The following DCAF1 variants were observed in gnomAD, a reference collection of about 807,000 sequenced individuals.
DCAF1 encodes the protein DDB1 and CUL4 associated factor 1.
DCAF1 carries 15 observed loss-of-function variants against 128.0 expected under a neutral mutation model. That is an observed-to-expected ratio of 0.12 (90% CI 0.08 to 0.18). The LOEUF is 0.18. DCAF1 is among the 10% of genes least tolerant of loss of function. The pLI, the probability that DCAF1 is intolerant of heterozygous loss-of-function variation, is 1.00. For synonymous variants in DCAF1, 610 were observed against 603.0 expected (o/e 1.01, Z -0.17); for missense variants, 988 against 1,649.5 (o/e 0.60, Z 6.95).
At position 51,412,411 on chromosome 3, in the gene DCAF1, G is replaced by A; in HGVS notation, c.4180C>T (p.Leu1394=). Residue 1394 remains leucine (L), a synonymous_variant, in exon 23 of 25, where the codon CTG becomes TTG. Coordinates refer to ENST00000684031, the MANE Select transcript of DCAF1 (RefSeq NM_001387579.1). ...TCCTCTTCATCCTCATCCTCTGCCAGACGCTGCCTGCCCACTTCATACAGC... is the reference window on the plus strand; with the variant it reads ...TCCTCTTCATCCTCATCCTCTGCCAAACGCTGCCTGCCCACTTCATACAGC... ...CRLYEVGRQR[L]AEDEDEEEDQ... 6.2e-7 allele frequency: 1 copy of A among 1,613,932 alleles called. No individual in the cohort carries two copies. Among genetic ancestry groups the A allele is most frequent in the South Asian group, 1.1e-5 (1 of 91,084 alleles).
At chr3:51,485,446 A>G (rs1359291728) in intron 2 of DCAF1, among the ~76,000 whole-genome samples, 1 of 152,238 alleles carries the variant, frequency 6.6e-6, no homozygotes, top group Non-Finnish European at 1.5e-5. Flanking sequence ...GGAGGACCAA[A>G]TAAGACACCC....
At chr3:51,449,259 G>C (rs1187001605) in intron 6 of DCAF1, among the ~76,000 whole-genome samples, 1 of 152,078 alleles carries the variant, frequency 6.6e-6, no homozygotes, top group Admixed American at 6.6e-5. Flanking sequence ...CCAGGCTGGA[G>C]TGCAATGGCA....
rs1221254836 is a variant in DCAF1 at position 51,496,745 on chromosome 3, T to C, written c.-20A>G. Among the ~76,000 whole-genome samples the C allele has an allele frequency of 6.6e-6, 1 of 152,120 alleles. No individual in the cohort carries two copies. On this transcript the variant is annotated 5_prime_UTR_variant, in exon 2 of 25. Transcript: ENST00000684031. Reference sequence around the variant, plus strand: ...CTCTGCTGACATACCTGTGAAGTCTTGGTTATTTAACTTCTCCAAATCTCA... The same window carrying C: ...CTCTGCTGACATACCTGTGAAGTCTCGGTTATTTAACTTCTCCAAATCTCA...
intron 12 of DCAF1, among the ~76,000 whole-genome samples, chr3:51,428,431 C>A (rs1380430588): frequency 6.9e-6 from 1 of 145,658 alleles, no homozygotes; most frequent in Non-Finnish European, 1.5e-5. Context: ...TTCAAATGAT[C>A]CTCCCACCTC....
intron 6 of DCAF1, among the ~76,000 whole-genome samples, chr3:51,452,878 G>C (rs753687093): frequency 4.6e-5 from 7 of 152,022 alleles, no homozygotes; most frequent in Non-Finnish European, 1.0e-4. Flanking sequence ...AGCCGGGCGT[G>C]GTGGCGGGCA....
Position 51,458,771 on chromosome 3 carries a change from T to C in DCAF1, c.375+4343A>G, listed in dbSNP as rs548099866. Among the ~76,000 whole-genome samples the C allele has an allele frequency of 2.6e-5, 4 of 152,226 alleles. No homozygotes were observed. In the East Asian group the frequency reaches 5.8e-4, roughly 22 times the overall value. On this transcript the variant is annotated intron_variant, in intron 6 of 24. Coordinates refer to ENST00000684031, the MANE Select transcript of DCAF1 (RefSeq NM_001387579.1). ...CAGGATTAAGAAACTCACTCAAAACTGCTCAACTACATGAAAACTGAACAA... is the reference window on the plus strand; with the variant it reads ...CAGGATTAAGAAACTCACTCAAAACCGCTCAACTACATGAAAACTGAACAA...
rs1706530443 is a variant in DCAF1 at position 51,483,608 on chromosome 3, T to TG, written c.110+110_110+111insC. On this transcript the variant is annotated intron_variant, in intron 3 of 24. Transcript: ENST00000684031. ...CAATTTTTGCTTCTTTTTAAACTAG[T>TG]TTGTGTGTGTGTGTGTGTGTGTGTG... The TG allele has an allele frequency of 2.2e-4, 159 of 718,132 alleles. 1 individual carries two copies. The East Asian group carries it at 4.2e-3, about 19-fold the overall frequency. The allele number at this position is 718,132 out of a possible 1,614,324, so 44.5% of individuals were successfully genotyped here.
Position 51,398,645 on chromosome 3 carries a change from A to C in DCAF1, c.*124T>G. On this transcript the variant is annotated 3_prime_UTR_variant, in exon 25 of 25. Transcript: ENST00000684031. ...AGGCTCTCTAAGCCATAATCTTCTGAATGCAGGGCATGCAGCTCCTTAAAA... is the reference window on the plus strand; with the variant it reads ...AGGCTCTCTAAGCCATAATCTTCTGCATGCAGGGCATGCAGCTCCTTAAAA... The C allele has an allele frequency of 1.5e-6, 2 of 1,302,254 alleles. No individual in the cohort carries two copies. Among genetic ancestry groups the C allele is most frequent in the African/African-American group, 1.5e-5 (1 of 68,108 alleles). The allele number at this position is 1,302,254 out of a possible 1,614,324, so 80.7% of individuals were successfully genotyped here. A position where few individuals can be genotyped will look rare whatever the true frequency, so the allele number is the denominator to read the frequency against.
chr3:51,483,647 A>G (rs368037501), intron 3 of DCAF1, 72 bp downstream of exon 3: 556 of 596,870 alleles, frequency 9.3e-4, no homozygotes, highest in Admixed American at 1.7e-3. Flanking sequence ...GTGTGTGTGT[A>G]TGAAGAAATC....
At chr3:51,429,225 A>G (rs942557826) in intron 12 of DCAF1, 36 bp downstream of exon 12, 1 of 732,566 alleles carries the variant, frequency 1.4e-6, no homozygotes, top group Non-Finnish European at 2.5e-6. Context: ...AGAGAGGGCT[A>G]ACAGAACTTT....
At chr3:51,478,626 T>A (rs926338607) in intron 3 of DCAF1, among the ~76,000 whole-genome samples, 1 of 152,176 alleles carries the variant, frequency 6.6e-6, no homozygotes, top group Admixed American at 6.6e-5. Context: ...GTATCTTGTT[T>A]AATAGTTGGT....
intron 10 of DCAF1, among the ~76,000 whole-genome samples, chr3:51,431,657 T>C (rs4611808): frequency 0.11 from 16,267 of 151,976 alleles, 1,059 homozygotes; most frequent in Non-Finnish European, 0.14. Context: ...TTTGTTAATA[T>C]AAAACAAGCA....
At position 51,451,068 on chromosome 3, in the gene DCAF1, TC is replaced by T. The variant is rs1171011229; in HGVS notation, c.376-7166del. ...GCAATGAACAATATAAAAAGGAAAT[TC>T]TTTTTTTTTTTTTTTTTTTTTTTTT... On this transcript the variant is annotated intron_variant, in intron 6 of 24. Transcript: ENST00000684031. 1.0e-4 allele frequency among the ~76,000 whole-genome samples: 13 copies of T among 126,288 alleles called. 1 individual carries two copies. The South Asian group carries it at 3.1e-3, about 30-fold the overall frequency. 82.8% of individuals were successfully genotyped at this position (126,288 alleles called of 152,430 possible). A position where few individuals can be genotyped will look rare whatever the true frequency, so the allele number is the denominator to read the frequency against.
chr3:51,456,218 C>T lies in DCAF1; in HGVS notation c.375+6896G>A, dbSNP rs1409588038. ...GGATCACTCCGACCCTAATACTGCG[C>T]TTTTCCAACAGGCTTAAAAAACGGC... On this transcript the variant is annotated intron_variant, in intron 6 of 24. Coordinates refer to ENST00000684031, the MANE Select transcript of DCAF1 (RefSeq NM_001387579.1). 1.3e-5 allele frequency among the ~76,000 whole-genome samples: 2 copies of T among 152,196 alleles called. 1 individual carries two copies. The highest frequency in any genetic ancestry group is 4.8e-5 in the African/African-American group (2 of 41,446).
At chr3:51,463,769 A>G (rs1164951045) in intron 5 of DCAF1, among the ~76,000 whole-genome samples, 1 of 152,044 alleles carries the variant, frequency 6.6e-6, no homozygotes, top group Non-Finnish European at 1.5e-5. Flanking sequence ...CAACGGTGAG[A>G]CCCTGTCTCC....
At chr3:51,435,786 T>C (rs1377083273) in intron 9 of DCAF1, among the ~76,000 whole-genome samples, 3 of 152,176 alleles carry the variant, frequency 2.0e-5, no homozygotes, top group Non-Finnish European at 4.4e-5. Flanking sequence ...ACTTGATTTA[T>C]TTATTCACTG....
In DCAF1 at chr3:51,403,245, A is replaced by G; in HGVS notation, c.4363T>C (p.Ser1455Pro). Reference protein sequence around the residue: ...NAGEDGDNDFSPSDEELANLL... With the variant: ...NAGEDGDNDFPPSDEELANLL... The stretch of plus-strand genomic sequence containing the variant: ...TTTGCTAGCTCCTCATCAGAGGGAG[A>G]GAAGTCATTGTCCCCATCTTCCCCT... Residue 1455 changes from serine to proline, a missense_variant, in exon 24 of 25, where the codon TCT becomes CCT. Transcript: ENST00000684031. 1 of 1,613,642 alleles carries G rather than the reference A, an allele frequency of 6.2e-7. No individual in the cohort carries two copies. Among genetic ancestry groups the G allele is most frequent in the Non-Finnish European group, 8.5e-7 (1 of 1,179,832 alleles).
intron 6 of DCAF1, among the ~76,000 whole-genome samples, chr3:51,450,538 A>C (rs1702247728): frequency 6.6e-6 from 1 of 152,248 alleles, no homozygotes; most frequent in African/African-American, 2.4e-5. Context: ...AATAAACTAG[A>C]TTCTAGAAGG....
At chr3:51,447,189 T>C (rs954756772) in intron 6 of DCAF1, among the ~76,000 whole-genome samples, 1 of 150,748 alleles carries the variant, frequency 6.6e-6, no homozygotes, top group Non-Finnish European at 1.5e-5. Flanking sequence ...GGTGGATCAC[T>C]TGAGGTCAGG....
Sources: gnomAD v4.1 joint callset for allele counts (sites outside exome capture counted in the v4.1 genomes callset) on GRCh38, gnomAD v4.1.1 for gene constraint, MANE v1.5 for transcripts, NCBI Gene and HGNC (gene_info 2026-07-23, HGNC 2026-07-21) for gene names.